Variants in LOC101059915 observed in about 807,000 individuals in gnomAD.
At chrX:71,667,901 G>A in the LOC101059915 span, 6 of 1,123,871 alleles carry the variant, frequency 5.3e-6, no homozygotes, top group African/African-American at 5.5e-5. Flanking sequence ...GGAGCCCCAC[G>A]GGGTGACGGC....
At chrX:71,667,928 A>G in the LOC101059915 span, 1 of 1,141,875 alleles carries the variant, frequency 8.8e-7, no homozygotes, top group Middle Eastern at 3.4e-4. Context: ...CGAGACCTCA[A>G]TTTTGGGGGG....
the LOC101059915 span, among the ~76,000 whole-genome samples, chrX:71,670,031 C>T: frequency 4.4e-5 from 5 of 112,492 alleles, no homozygotes; most frequent in Non-Finnish European, 9.4e-5. Flanking sequence ...CTGTGGCTGC[C>T]GCACTGCTGG....
the LOC101059915 span, chrX:71,671,178 G>T: frequency 8.6e-7 from 1 of 1,164,538 alleles, no homozygotes; most frequent in Non-Finnish European, 1.1e-6. Context: ...CCTGGGTCTG[G>T]AGTACCCAGT....
the LOC101059915 span, chrX:71,669,112 C>CT: frequency 4.7e-6 from 5 of 1,072,073 alleles, no homozygotes; most frequent in African/African-American, 7.5e-5. Flanking sequence ...TCTGTCTCCC[C>CT]CCACCCACCT....
chrX:71,669,154 C>G, the LOC101059915 span: 273 of 922,933 alleles, frequency 3.0e-4, 1 homozygote, highest in Middle Eastern at 5.0e-3. Context: ...TGCCCATGCC[C>G]TCTCTATCCC....
At chrX:71,671,205 A>G in the LOC101059915 span, 4 of 1,165,187 alleles carry the variant, frequency 3.4e-6, no homozygotes, top group African/African-American at 1.8e-5. Context: ...TCTCTGTTTC[A>G]GCTGCCATGC....
the LOC101059915 span, chrX:71,668,914 G>C: frequency 2.6e-6 from 3 of 1,132,971 alleles, no homozygotes; most frequent in East Asian, 6.7e-5. Context: ...GGGGAAGTCC[G>C]TGAGACCCAA....
At chrX:71,668,593 A>G in the LOC101059915 span, 1 of 1,096,151 alleles carries the variant, frequency 9.1e-7, no homozygotes, top group Non-Finnish European at 1.2e-6. Flanking sequence ...ACCTCTCCTG[A>G]TCTCTCCTCC....
the LOC101059915 span, chrX:71,668,741 TA>T: frequency 2.8e-6 from 3 of 1,071,203 alleles, no homozygotes; most frequent in South Asian, 7.8e-5. Context: ...AGAGGGCCCC[TA>T]CCCCGGGGCA....
chrX:71,670,524 A>G, the LOC101059915 span: 2 of 1,082,442 alleles, frequency 1.8e-6, no homozygotes, highest in Non-Finnish European at 2.4e-6. Flanking sequence ...TATGGGGGCT[A>G]TAAGGGCTGG....
chrX:71,670,677 G>T, the LOC101059915 span: 2 of 1,115,936 alleles, frequency 1.8e-6, no homozygotes, highest in Non-Finnish European at 2.3e-6. Context: ...AGCACTGGCT[G>T]GGGCAGGGAT....
the LOC101059915 span, chrX:71,671,011 T>G: frequency 1.5e-5 from 11 of 754,648 alleles, no homozygotes; most frequent in Non-Finnish European, 1.7e-5. Flanking sequence ...TGAACGGTTC[T>G]GGGATGGCCC....
At chrX:71,669,480 C>G in the LOC101059915 span, 2 of 848,134 alleles carry the variant, frequency 2.4e-6, no homozygotes, top group Non-Finnish European at 3.0e-6. Context: ...TCTGGGGTCT[C>G]CACCTTAACA....
At chrX:71,667,797 G>C in the LOC101059915 span, 1 of 1,054,038 alleles carries the variant, frequency 9.5e-7, no homozygotes, top group South Asian at 2.7e-5. Flanking sequence ...CTAGACTGGC[G>C]GGCGCCATGA....
chrX:71,668,226 C>T, the LOC101059915 span: 14 of 1,116,238 alleles, frequency 1.3e-5, no homozygotes, highest in Admixed American at 3.2e-5. Context: ...ACCTGGAGGT[C>T]GGTCCCAGTT....
At chrX:71,668,231 C>T in the LOC101059915 span, 1 of 1,117,207 alleles carries the variant, frequency 9.0e-7, no homozygotes, top group Non-Finnish European at 1.2e-6. Flanking sequence ...GAGGTCGGTC[C>T]CAGTTGGAGA....
the LOC101059915 span, chrX:71,668,009 C>G: frequency 8.6e-7 from 1 of 1,164,913 alleles, no homozygotes; most frequent in Admixed American, 2.6e-5. Flanking sequence ...AGCTTCGAGT[C>G]TGAGAGCGAA....
At chrX:71,668,880 G>C in the LOC101059915 span, 2 of 1,104,739 alleles carry the variant, frequency 1.8e-6, no homozygotes, top group African/African-American at 3.8e-5. Context: ...CTAGCTTCCC[G>C]CCAGTGTCTG....
chrX:71,671,486 A>C, the LOC101059915 span: 1 of 355,456 alleles, frequency 2.8e-6, no homozygotes, highest in Admixed American at 4.6e-5. Flanking sequence ...CCCCTTCCCA[A>C]CACAGTTCAA....
Sources: allele counts gnomAD v4.1 joint callset (sites outside exome capture counted in the v4.1 genomes callset), GRCh38; gene constraint gnomAD v4.1.1; transcripts MANE v1.5.